The following CHSY3 variants were observed in gnomAD, a reference collection of about 807,000 sequenced individuals.
CHSY3 encodes the protein chondroitin sulfate synthase 3, also known as N-acetylgalactosaminyl-proteoglycan 3-beta-glucuronosyltransferase 3.
A neutral mutation model predicts 67.2 loss-of-function variants in CHSY3; 35 were observed. The observed-to-expected ratio is 0.52, with a 90% CI of 0.40 to 0.69. The LOEUF is 0.69. Among genes scored for constraint, CHSY3 ranks in the 30% least tolerant of loss-of-function variants. CHSY3 has a pLI of 0.00. For missense variants in CHSY3, 1,069 were observed against 1,138.5 expected (o/e 0.94, Z 0.88); for synonymous variants, 474 against 434.7 (o/e 1.09, Z -1.12).
chr5:130,127,348 CAAGTG>C (rs2149712038), intron 2 of CHSY3, among the ~76,000 whole-genome samples: 1 of 152,248 alleles, frequency 6.6e-6, no homozygotes, highest in South Asian at 2.1e-4. Context: ...AAACAACCTG[CAAGTG>C]AAGAAGCATA....
chr5:130,183,983 A>C (rs1214640028), intron 2 of CHSY3, among the ~76,000 whole-genome samples: 2 of 151,608 alleles, frequency 1.3e-5, no homozygotes, highest in Non-Finnish European at 2.9e-5. Flanking sequence ...TATATTCTCT[A>C]TATATTATAT....
intron 2 of CHSY3, among the ~76,000 whole-genome samples, chr5:129,961,025 A>G (rs1762314366): frequency 6.6e-6 from 1 of 152,074 alleles, no homozygotes; most frequent in South Asian, 2.1e-4. Flanking sequence ...GAGTGACTTG[A>G]ATTGGAATGT....
At chr5:130,059,901 T>C (rs1358058103) in intron 2 of CHSY3, among the ~76,000 whole-genome samples, 1 of 152,086 alleles carries the variant, frequency 6.6e-6, no homozygotes, top group African/African-American at 2.4e-5. Flanking sequence ...TATAGTTAAT[T>C]ATAACTTTAA....
intron 2 of CHSY3, among the ~76,000 whole-genome samples, chr5:130,044,053 A>G (rs1451069470): frequency 6.6e-6 from 1 of 152,166 alleles, no homozygotes; most frequent in African/African-American, 2.4e-5. Flanking sequence ...AGAGTTGGAA[A>G]TACATATGCT....
chr5:129,977,000 A>G (rs1352984871), intron 2 of CHSY3, among the ~76,000 whole-genome samples: 2 of 151,784 alleles, frequency 1.3e-5, no homozygotes, highest in Admixed American at 1.3e-4. Flanking sequence ...CTAGCCTAAA[A>G]TTTTCATTTA....
intron 2 of CHSY3, among the ~76,000 whole-genome samples, chr5:129,952,865 A>G (rs917402421): frequency 6.6e-6 from 1 of 152,228 alleles, no homozygotes; most frequent in Non-Finnish European, 1.5e-5. Flanking sequence ...TTAATCATCA[A>G]ACACTGTAAG....
At chr5:130,108,497 G>T (rs1767483725) in intron 2 of CHSY3, among the ~76,000 whole-genome samples, 1 of 151,524 alleles carries the variant, frequency 6.6e-6, no homozygotes, top group Non-Finnish European at 1.5e-5. Flanking sequence ...TATTCTTTCA[G>T]AAATAATTGT....
chr5:129,920,497 G>T lies in CHSY3; in HGVS notation c.1086+12137G>T, dbSNP rs555856492. On this transcript the variant is annotated intron_variant, in intron 2 of 2. Coordinates refer to ENST00000305031, the MANE Select transcript of CHSY3 (RefSeq NM_175856.5). The stretch of plus-strand genomic sequence containing the variant: ...CTGATCTCGTGATCCACCCACCTTG[G>T]CCTCTCAAAGTGCTGGGATTACAGG... 3.9e-5 allele frequency among the ~76,000 whole-genome samples: 6 copies of T among 152,224 alleles called. No individual in the cohort carries two copies. The South Asian group carries it at 1.2e-3, about 32-fold the overall frequency.
At chr5:129,958,493 C>A (rs1014386352) in intron 2 of CHSY3, among the ~76,000 whole-genome samples, 19 of 152,052 alleles carry the variant, frequency 1.2e-4, no homozygotes, top group Admixed American at 1.1e-3. Flanking sequence ...CCCTCCAGGT[C>A]ACTTTAACAT....
intron 2 of CHSY3, among the ~76,000 whole-genome samples, chr5:130,087,739 C>T (rs1333562878): frequency 3.3e-5 from 5 of 151,872 alleles, no homozygotes; most frequent in African/African-American, 9.7e-5. Context: ...AATGGAAGAA[C>T]ATTCCATGCT....
At chr5:130,075,183 T>A (rs1766210872) in intron 2 of CHSY3, among the ~76,000 whole-genome samples, 1 of 152,104 alleles carries the variant, frequency 6.6e-6, no homozygotes. Context: ...TAGAGAGGGG[T>A]ACATCCAACT....
chr5:129,932,860 C>T (rs1367822639), intron 2 of CHSY3, among the ~76,000 whole-genome samples: 1 of 151,906 alleles, frequency 6.6e-6, no homozygotes, highest in Non-Finnish European at 1.5e-5. Context: ...ATTACTCTTG[C>T]TCAAATGGCC....
intron 2 of CHSY3, among the ~76,000 whole-genome samples, chr5:130,044,972 G>A (rs902024263): frequency 6.6e-6 from 1 of 152,074 alleles, no homozygotes; most frequent in Non-Finnish European, 1.5e-5. Flanking sequence ...GATGGCATAA[G>A]TAGTTTTTTG....
intron 2 of CHSY3, among the ~76,000 whole-genome samples, chr5:129,970,604 A>T (rs2149613468): frequency 6.6e-6 from 1 of 152,030 alleles, no homozygotes; most frequent in Admixed American, 6.6e-5. Context: ...TAATCAGGCT[A>T]AAGAATTTTG....
chr5:130,048,746 C>A (rs1017122178), intron 2 of CHSY3, among the ~76,000 whole-genome samples: 20 of 151,854 alleles, frequency 1.3e-4, no homozygotes, highest in Non-Finnish European at 2.8e-4. Context: ...TCTCTTTCCC[C>A]AGTCATCTTC....
chr5:130,053,980 CT>C (rs1765448726), intron 2 of CHSY3, among the ~76,000 whole-genome samples: 4 of 152,104 alleles, frequency 2.6e-5, no homozygotes, highest in Admixed American at 1.3e-4. Flanking sequence ...GAGCCTAAAA[CT>C]TTCCTCAGTT....
intron 2 of CHSY3, among the ~76,000 whole-genome samples, chr5:130,133,796 G>T (rs138503488): frequency 1.1e-4 from 11 of 97,924 alleles, no homozygotes; most frequent in South Asian, 3.2e-4. Context: ...AAAAAAAAAA[G>T]AAAAAAAAAA....
chr5:129,916,228 AC>A (rs1760725291), intron 2 of CHSY3, among the ~76,000 whole-genome samples: 1 of 152,180 alleles, frequency 6.6e-6, no homozygotes, highest in African/African-American at 2.4e-5. Flanking sequence ...TCTGGTGAGA[AC>A]CCAGAGTGTG....
intron 2 of CHSY3, among the ~76,000 whole-genome samples, chr5:130,091,979 C>T (rs549909071): frequency 2.0e-5 from 3 of 152,248 alleles, no homozygotes; most frequent in South Asian, 4.2e-4. Context: ...CAGAGAGAGA[C>T]AATCCCTCTC....
Sources: allele counts gnomAD v4.1 joint callset (sites outside exome capture counted in the v4.1 genomes callset), GRCh38; gene constraint gnomAD v4.1.1; transcripts MANE v1.5; gene names NCBI Gene and HGNC (gene_info 2026-07-23, HGNC 2026-07-21).